The following NUDCD2 variants were observed in gnomAD, a reference collection of about 807,000 sequenced individuals.
NUDCD2 encodes the protein nudC domain-containing protein 2.
In NUDCD2, 16 loss-of-function variants were observed where a neutral mutation model predicts 20.8. The observed-to-expected ratio is 0.77, with a 90% confidence interval of 0.52 to 1.17. NUDCD2 has a LOEUF of 1.17. Ranked by LOEUF, NUDCD2 falls within the 50% of genes most tolerant of loss-of-function variation. The pLI is 0.00. For missense variants in NUDCD2, 199 were observed against 193.9 expected (o/e 1.03, Z -0.16); for synonymous variants, 87 against 72.8 (o/e 1.20, Z -1.00).
At chr5:163,458,297 G>A (rs1487089696) in intron 1 of NUDCD2, among the ~76,000 whole-genome samples, 1 of 151,990 alleles carries the variant, frequency 6.6e-6, no homozygotes, top group East Asian at 1.9e-4. Flanking sequence ...TGTTTTTAAA[G>A]TAAACTTTTA....
rs1399702662 is a variant in NUDCD2 at position 163,450,332 on chromosome 5, C to G, written c.*3635G>C. ...CTAGACATGACACCAAAAACATGAT[C>G]CACCAATGGCATGATGGATAAGACT... On this transcript the variant is annotated 3_prime_UTR_variant, in exon 4 of 4. Transcript: ENST00000302764. 4 of 152,120 alleles carry G rather than the reference C, an allele frequency of 2.6e-5. No homozygotes were observed. Among genetic ancestry groups the G allele is most frequent in the Admixed American group, 2.6e-4 (4 of 15,260 alleles). 9.4% of individuals were successfully genotyped at this position (152,120 alleles called of 1,614,324 possible).
intron 3 of NUDCD2, among the ~76,000 whole-genome samples, chr5:163,454,716 C>T (rs1433564435): frequency 6.6e-6 from 1 of 152,160 alleles, no homozygotes; most frequent in Admixed American, 6.5e-5. Flanking sequence ...AGATATTTAA[C>T]CCTCACAACA....
At chr5:163,455,659 G>T (rs1184388427) in intron 3 of NUDCD2, among the ~76,000 whole-genome samples, 1 of 151,804 alleles carries the variant, frequency 6.6e-6, no homozygotes, top group Non-Finnish European at 1.5e-5. Context: ...AGCTACTCGG[G>T]AGGCTGAGGC....
At chr5:163,459,568 T>G (rs1758420104) in intron 1 of NUDCD2, 1 of 212,140 alleles carries the variant, frequency 4.7e-6, no homozygotes, top group African/African-American at 2.3e-5. Context: ...GGAAGAAATA[T>G]TTGTTCCTTT....
rs1758109606 is a variant in NUDCD2, at chr5:163,448,936, G to C, written c.*5031C>G. The C allele has an allele frequency of 6.6e-6, 1 of 152,166 alleles. No homozygotes were observed. Among genetic ancestry groups the C allele is most frequent in the Non-Finnish European group, 1.5e-5 (1 of 68,030 alleles). 9.4% of individuals were successfully genotyped at this position (152,166 alleles called of 1,614,324 possible). ...AAACTCTGCTAACAACAAATTAATA[G>C]ATGGGAACTTGCTCAACATGACAAA... On this transcript the variant is annotated 3_prime_UTR_variant, in exon 4 of 4. Coordinates refer to ENST00000302764, the MANE Select transcript of NUDCD2 (RefSeq NM_145266.6).
intron 3 of NUDCD2, 24 bp downstream of exon 3, chr5:163,456,905 A>T (rs1396334622): frequency 1.3e-6 from 2 of 1,503,546 alleles, no homozygotes; most frequent in African/African-American, 1.4e-5. Context: ...AATTACACAT[A>T]CTCATACACT....
intron 2 of NUDCD2, 59 bp from the exon 3 acceptor site, chr5:163,457,139 G>GTTT (rs34746227): frequency 0.011 from 12,803 of 1,203,764 alleles, 3 homozygotes; most frequent in East Asian, 0.055. Context: ...TCATCAAGTT[G>GTTT]TTTTTTTTTT....
At chr5:163,455,735 GA>G (rs80324793) in intron 3 of NUDCD2, among the ~76,000 whole-genome samples, 35,002 of 108,610 alleles carry the variant, frequency 0.32, 4,808 homozygotes, top group East Asian at 0.56. Flanking sequence ...CTCCATCTCA[GA>G]AAAAAAAAAA....
Position 163,450,861 on chromosome 5 carries a change from C to T in NUDCD2, c.*3106G>A, listed in dbSNP as rs1279936748. ...AAAGACTTGTACACGTTTATAGCAG[C>T]TTTAGTCAGGACAGCCAAAGGGTGG... On this transcript the variant is annotated 3_prime_UTR_variant, in exon 4 of 4. Coordinates refer to ENST00000302764, the MANE Select transcript of NUDCD2 (RefSeq NM_145266.6). 2.6e-5 allele frequency: 4 copies of T among 152,186 alleles called. No homozygotes were observed. Among genetic ancestry groups the T allele is most frequent in the Non-Finnish European group, 4.4e-5 (3 of 68,036 alleles). The allele number at this position is 152,186 out of a possible 1,614,324, so 9.4% of individuals were successfully genotyped here. A position where few individuals can be genotyped will look rare whatever the true frequency, so the allele number is the denominator to read the frequency against.
chr5:163,453,877 C>A lies in NUDCD2; in HGVS notation c.*90G>T. 1.7e-6 allele frequency: 1 copy of A among 581,942 alleles called. No homozygotes were observed. 36.0% of individuals were successfully genotyped at this position (581,942 alleles called of 1,614,324 possible). A position where few individuals can be genotyped will look rare whatever the true frequency, so the allele number is the denominator to read the frequency against. Reference sequence around the variant, plus strand: ...CATTTTGCAATCTGTTAACTGTAGGCATCCGCATTTTTCTTCCATTACATA... The same window carrying A: ...CATTTTGCAATCTGTTAACTGTAGGAATCCGCATTTTTCTTCCATTACATA... On this transcript the variant is annotated 3_prime_UTR_variant, in exon 4 of 4. Coordinates refer to ENST00000302764, the MANE Select transcript of NUDCD2 (RefSeq NM_145266.6).
In NUDCD2 at chr5:163,446,944, G is replaced by T. The variant is rs906249576; in HGVS notation, c.*7023C>A. On this transcript the variant is annotated 3_prime_UTR_variant, in exon 4 of 4. Transcript: ENST00000302764. ...GCAGGAGAATTGCTTGAACCTGTGA[G>T]GCAGTGAGACAAGATCACACCACTG... 11 of 152,170 alleles carry T rather than the reference G, an allele frequency of 7.2e-5. No homozygotes were observed. Among genetic ancestry groups the T allele is most frequent in the Non-Finnish European group, 1.6e-4 (11 of 68,046 alleles). 9.4% of individuals were successfully genotyped at this position (152,170 alleles called of 1,614,324 possible).
rs1462645020 is a variant in NUDCD2 at position 163,452,820 on chromosome 5, A to G, written c.*1147T>C. 1 of 152,232 alleles carries G rather than the reference A, an allele frequency of 6.6e-6. No individual in the cohort carries two copies. The highest frequency in any genetic ancestry group is 1.5e-5 in the Non-Finnish European group (1 of 68,032). 9.4% of individuals were successfully genotyped at this position (152,232 alleles called of 1,614,324 possible). Reference sequence around the variant, plus strand: ...AAGGGGTGTTCTACAAAACTAGCCCATAATTGTCAAAAGTACTAAGTTGTA... The same window carrying G: ...AAGGGGTGTTCTACAAAACTAGCCCGTAATTGTCAAAAGTACTAAGTTGTA... On this transcript the variant is annotated 3_prime_UTR_variant, in exon 4 of 4. Coordinates refer to ENST00000302764, the MANE Select transcript of NUDCD2 (RefSeq NM_145266.6).
At position 163,459,948 on chromosome 5, in the gene NUDCD2, G is replaced by C. The variant is rs773301271; in HGVS notation, c.103C>G (p.Pro35Ala). ...ATATCCTGGGCGCGCGTGCCTGGCG[G>C]CACCTGAACTTCAATGAACACCTCC... The part of the protein sequence containing the change: ...LEEVFIEVQV[P>A]PGTRAQDIQC... Residue 35 changes from proline (P) to alanine (A), a missense_variant, in exon 1 of 4, where the codon CCG (proline) becomes GCG (alanine). Transcript: ENST00000302764. The C allele has an allele frequency of 1.5e-5, 25 of 1,613,446 alleles. No individual in the cohort carries two copies. In the Admixed American group the frequency reaches 3.8e-4, roughly 25 times the overall value.
Position 163,450,242 on chromosome 5 carries a change from C to CA in NUDCD2, c.*3724dup, listed in dbSNP as rs1348638449. The CA allele has an allele frequency of 6.6e-6, 1 of 152,158 alleles. No homozygotes were observed. The highest frequency in any genetic ancestry group is 1.5e-5 in the Non-Finnish European group (1 of 68,064). The allele number at this position is 152,158 out of a possible 1,614,324, so 9.4% of individuals were successfully genotyped here. A position where few individuals can be genotyped will look rare whatever the true frequency, so the allele number is the denominator to read the frequency against. ...TGCCACTGCACCCCAGCCTGGGTGA[C>CA]AGAGTGAGAATGTGAGTCAAAAAAA... is the stretch of plus-strand genomic sequence containing the variant. On this transcript the variant is annotated 3_prime_UTR_variant, in exon 4 of 4. Coordinates refer to ENST00000302764, the MANE Select transcript of NUDCD2 (RefSeq NM_145266.6).
chr5:163,458,742 G>T, intron 1 of NUDCD2, among the ~76,000 whole-genome samples: 1 of 152,076 alleles, frequency 6.6e-6, no homozygotes, highest in Non-Finnish European at 1.5e-5. Flanking sequence ...AATCCCACTG[G>T]TCTATACGTA....
At position 163,452,211 on chromosome 5, in the gene NUDCD2, T is replaced by G. The variant is rs1347093668; in HGVS notation, c.*1756A>C. 2 of 152,078 alleles carry G rather than the reference T, an allele frequency of 1.3e-5. No homozygotes were observed. The highest frequency in any genetic ancestry group is 6.6e-5 in the Admixed American group (1 of 15,254). 9.4% of individuals were successfully genotyped at this position (152,078 alleles called of 1,614,324 possible). ...TTTTCAATATACATAGATGCAGAAA[T>G]ATAGATGTAAAGACATGCATTATAT... On this transcript the variant is annotated 3_prime_UTR_variant, in exon 4 of 4. Coordinates refer to ENST00000302764, the MANE Select transcript of NUDCD2 (RefSeq NM_145266.6).
chr5:163,454,800 G>A (rs1758261833), intron 3 of NUDCD2, among the ~76,000 whole-genome samples: 1 of 152,132 alleles, frequency 6.6e-6, no homozygotes, highest in Admixed American at 6.5e-5. Context: ...CATTTGTTGA[G>A]CTCCTACTGT....
Position 163,457,549 on chromosome 5 carries a change from T to A in NUDCD2, c.238+13A>T. ...ATTATTTTAATTTGATGAATTATAGTAATTACCCTTACCCAAAGTCCATGT... is the reference window on the plus strand; with the variant it reads ...ATTATTTTAATTTGATGAATTATAGAAATTACCCTTACCCAAAGTCCATGT... On this transcript the variant is annotated intron_variant, in intron 2 of 3. Coordinates refer to ENST00000302764, the MANE Select transcript of NUDCD2 (RefSeq NM_145266.6). 6.8e-7 allele frequency: 1 copy of A among 1,473,762 alleles called. No homozygotes were observed. Among genetic ancestry groups the A allele is most frequent in the Non-Finnish European group, 9.5e-7 (1 of 1,055,490 alleles). The allele number at this position is 1,473,762 out of a possible 1,614,324, so 91.3% of individuals were successfully genotyped here.
Position 163,460,027 on chromosome 5 carries a change from C to G in NUDCD2, c.24G>C (p.Arg8=). 6.3e-7 allele frequency: 1 copy of G among 1,598,928 alleles called. No individual in the cohort carries two copies. MSAPFEE[R]SGVVPCGTPW... is the part of the protein sequence containing the mutation. ...GGGTCCCGCACGGTACCACCCCACT[C>G]CGCTCCTCAAACGGGGCCGACATAA... Residue 8 remains arginine (R), a synonymous_variant, in exon 1 of 4, where the codon CGG becomes CGC. Coordinates refer to ENST00000302764, the MANE Select transcript of NUDCD2 (RefSeq NM_145266.6).
Sources: gnomAD v4.1 joint callset for allele counts (sites outside exome capture counted in the v4.1 genomes callset) on GRCh38, gnomAD v4.1.1 for gene constraint, MANE v1.5 for transcripts, NCBI Gene and HGNC (gene_info 2026-07-23, HGNC 2026-07-21) for gene names.